IQCK: variants seen among roughly 807,000 people sequenced by gnomAD.
IQCK encodes IQ domain-containing protein K.
In IQCK, 29 loss-of-function variants were observed where a neutral mutation model predicts 28.1. That is an observed-to-expected ratio of 1.03 (90% CI 0.77 to 1.41). IQCK has a LOEUF of 1.41. Among genes scored for constraint, IQCK ranks in the 40% most tolerant of loss-of-function variants. The pLI is 0.00. For synonymous variants in IQCK, 113 were observed against 115.1 expected (o/e 0.98, Z 0.12); for missense variants, 359 against 314.7 (o/e 1.14, Z -1.07).
At chr16:19,835,237 C>T (rs891264687) in intron 9 of IQCK, among the ~76,000 whole-genome samples, 1 of 150,094 alleles carries the variant, frequency 6.7e-6, no homozygotes. Context: ...GAGCCGAGAT[C>T]ACACTACTGC....
downstream of IQCK, among the ~76,000 whole-genome samples, chr16:19,831,087 T>C (rs888069345): frequency 2.6e-5 from 4 of 152,192 alleles, no homozygotes; most frequent in Non-Finnish European, 4.4e-5. Context: ...TCCAGCAAGA[T>C]TGAATGACTT....
intron 6 of IQCK, among the ~76,000 whole-genome samples, chr16:19,765,022 A>T (rs1240045492): frequency 4.9e-5 from 7 of 142,786 alleles, no homozygotes; most frequent in Admixed American, 4.1e-4. Flanking sequence ...GGAGATCGAG[A>T]CCATCCTGGC....
At chr16:19,784,521 T>C (rs778889495) in intron 6 of IQCK, among the ~76,000 whole-genome samples, 1 of 152,218 alleles carries the variant, frequency 6.6e-6, no homozygotes, top group African/African-American at 2.4e-5. Flanking sequence ...GAGAGGCAAC[T>C]ACTCACTCCA....
chr16:19,771,725 T>A (rs771127505), intron 6 of IQCK, among the ~76,000 whole-genome samples: 2 of 152,060 alleles, frequency 1.3e-5, no homozygotes, highest in African/African-American at 2.4e-5. Flanking sequence ...TATAAAAAAA[T>A]GTGTAAGTAT....
At chr16:19,836,195 A>AT (rs2056294601) in intron 9 of IQCK, among the ~76,000 whole-genome samples, 1 of 152,090 alleles carries the variant, frequency 6.6e-6, no homozygotes, top group South Asian at 2.1e-4. Context: ...TTTCATTTTC[A>AT]TTTTTTTCTT....
At chr16:19,741,029 G>A (rs749807575) in intron 4 of IQCK, among the ~76,000 whole-genome samples, 3 of 151,786 alleles carry the variant, frequency 2.0e-5, no homozygotes, top group Non-Finnish European at 2.9e-5. Context: ...CCCATGTTTG[G>A]TTCTGTTCAA....
At chr16:19,820,642 CTG>C (rs2056059558) in intron 7 of IQCK, among the ~76,000 whole-genome samples, 1 of 128,726 alleles carries the variant, frequency 7.8e-6, no homozygotes, top group South Asian at 2.8e-4. Context: ...GAGGGAAACT[CTG>C]TATCAAAAAA....
chr16:19,836,236 C>T (rs911015396), intron 9 of IQCK, among the ~76,000 whole-genome samples: 15 of 152,136 alleles, frequency 9.9e-5, no homozygotes, highest in African/African-American at 3.6e-4. Context: ...GTTCCTTCTC[C>T]ATTTTAACCT....
downstream of IQCK, among the ~76,000 whole-genome samples, chr16:19,828,859 TATATATATATATAA>T (rs1432487585): frequency 1.3e-3 from 180 of 138,072 alleles, 2 homozygotes; most frequent in African/African-American, 5.1e-3. Context: ...TCAAAAAAAA[TATATATATATATAA>T]ATATATATAT....
chr16:19,855,397 G>A (rs527309815), intron 9 of IQCK, among the ~76,000 whole-genome samples: 10 of 152,282 alleles, frequency 6.6e-5, no homozygotes, highest in African/African-American at 2.4e-4. Flanking sequence ...TTCGAGACCA[G>A]CCTGGGCAAC....
At chr16:19,823,825 C>T (rs1043634165) in intron 7 of IQCK, among the ~76,000 whole-genome samples, 8 of 152,034 alleles carry the variant, frequency 5.3e-5, no homozygotes, top group Non-Finnish European at 2.9e-5. Flanking sequence ...CCCAGCTACT[C>T]GTGAGGCTGA....
chr16:19,818,096 C>A (rs1004341095), intron 7 of IQCK, among the ~76,000 whole-genome samples: 3 of 152,170 alleles, frequency 2.0e-5, no homozygotes, highest in African/African-American at 7.2e-5. Context: ...TTTGCCTCCT[C>A]CCCTGCCCTT....
intron 4 of IQCK, among the ~76,000 whole-genome samples, chr16:19,742,461 T>G (rs935861801): frequency 6.6e-6 from 1 of 151,542 alleles, no homozygotes; most frequent in African/African-American, 2.4e-5. Flanking sequence ...ACTCCCCTTA[T>G]CCTGATCTGC....
At chr16:19,817,638 GTATT>G (rs2056006989) in intron 7 of IQCK, among the ~76,000 whole-genome samples, 1 of 152,052 alleles carries the variant, frequency 6.6e-6, no homozygotes, top group Admixed American at 6.6e-5. Context: ...TTGTTGTTGA[GTATT>G]TAGGTAATGG....
intron 7 of IQCK, among the ~76,000 whole-genome samples, chr16:19,823,932 T>TTAAA (rs1567195152): frequency 7.0e-6 from 1 of 143,882 alleles, no homozygotes; most frequent in African/African-American, 2.7e-5. Flanking sequence ...GACTCCCTCT[T>TTAAA]AAAAAATAAA....
intron 4 of IQCK, among the ~76,000 whole-genome samples, chr16:19,746,645 G>A (rs991896337): frequency 6.6e-6 from 1 of 152,140 alleles, no homozygotes; most frequent in East Asian, 1.9e-4. Context: ...CCCAAACTTG[G>A]CTACGAGTTG....
downstream of IQCK, among the ~76,000 whole-genome samples, chr16:19,830,048 AATGG>A (rs1305160409): frequency 1.3e-4 from 19 of 145,858 alleles, no homozygotes; most frequent in Admixed American, 2.8e-4. Context: ...TGAATGAATG[AATGG>A]AGCTGTGAGG....
chr16:19,849,750 C>T (rs1456902119), intron 9 of IQCK, among the ~76,000 whole-genome samples: 2 of 149,098 alleles, frequency 1.3e-5, no homozygotes, highest in Non-Finnish European at 3.0e-5. Flanking sequence ...AACAGAATGA[C>T]ACCCTGTCTC....
chr16:19,810,833 T>C (rs2141066896), intron 7 of IQCK, among the ~76,000 whole-genome samples: 1 of 150,254 alleles, frequency 6.7e-6, no homozygotes, highest in East Asian at 2.0e-4. Flanking sequence ...AAAATGGGGA[T>C]GGCAATAGTT....
Sources: gnomAD v4.1 joint callset for allele counts (sites outside exome capture counted in the v4.1 genomes callset) on GRCh38, gnomAD v4.1.1 for gene constraint, MANE v1.5 for transcripts, NCBI Gene and HGNC (gene_info 2026-07-23, HGNC 2026-07-21) for gene names.